Variants in HTR3B observed in about 807,000 individuals in gnomAD.
The protein encoded by HTR3B is 5-hydroxytryptamine (serotonin) receptor 3B, ionotropic.
In HTR3B, 44 loss-of-function variants were observed where a neutral mutation model predicts 42.8. The ratio of observed to expected loss-of-function variants is 1.03; its 90% CI spans 0.81 to 1.32. The LOEUF (loss-of-function observed/expected upper bound fraction) is 1.32, where lower values mean the gene tolerates loss of function less well. HTR3B is among the 40% of genes most tolerant of loss of function. HTR3B has a pLI of 0.00. For synonymous variants in HTR3B, 203 were observed against 209.0 expected, an observed-to-expected ratio of 0.97 and a Z score of 0.25; for missense variants, 527 against 536.5, an observed-to-expected ratio of 0.98 and a Z score of 0.17.
At position 113,922,116 on chromosome 11, in the gene HTR3B, C is replaced by G. The variant is rs1032472188; in HGVS notation, c.214-9268C>G. On this transcript the variant is annotated intron_variant, in intron 2 of 8. Transcript: ENST00000260191. ...TTCTCCATCTGCAAAATATTGTAGT[C>G]CTTCAAATCTCAGCTCTTAAAATAA... 2.0e-5 allele frequency among the ~76,000 whole-genome samples: 3 copies of G among 152,294 alleles called. No individual in the cohort carries two copies. In the South Asian group the frequency reaches 6.2e-4, roughly 32 times the overall value.
Position 113,931,878 on chromosome 11 carries a change from C to T in HTR3B, c.368+11C>T, listed in dbSNP as rs45597437. ...CATCATCAATGAGTTGTAAGTGTGCCAGTGTGTATTTCTGTGGGGTTTAGA... is the reference window on the plus strand; with the variant it reads ...CATCATCAATGAGTTGTAAGTGTGCTAGTGTGTATTTCTGTGGGGTTTAGA... On this transcript the variant is annotated intron_variant, in intron 4 of 8. Transcript: ENST00000260191. 0.057 allele frequency: 83,097 copies of T among 1,469,858 alleles called. 2,707 individuals are homozygous for T. The highest frequency in any genetic ancestry group is 0.09 in the African/African-American group (6,525 of 72,248). The allele number at this position is 1,469,858 out of a possible 1,614,324, so 91.1% of individuals were successfully genotyped here.
chr11:113,899,914 C>G (rs534012919), upstream of HTR3B, among the ~76,000 whole-genome samples: 1 of 152,270 alleles, frequency 6.6e-6, no homozygotes, highest in African/African-American at 2.4e-5. Flanking sequence ...GTAAGAGAAT[C>G]GCAGATTCAA....
In HTR3B at chr11:113,909,452, T is replaced by C. The variant is rs1206791855; in HGVS notation, c.210T>C (p.Asp70=). 4 of 1,613,732 alleles carry C rather than the reference T, an allele frequency of 2.5e-6. No homozygotes were observed. Among genetic ancestry groups the C allele is most frequent in the Non-Finnish European group, 3.4e-6 (4 of 1,179,840 alleles). ...YLDLFVHAIL[D]VDAENQILKT... is the part of the protein sequence containing the mutation. The stretch of plus-strand genomic sequence containing the variant: ...ACCTGTTCGTCCATGCTATATTGGA[T>C]GTGGTAAGGACCATCTTGCCCCTTC... The change falls in exon 2 of 9, where the codon GAT becomes GAC. Residue 70 remains aspartate (D), a synonymous_variant. Coordinates refer to ENST00000260191, the MANE Select transcript of HTR3B (RefSeq NM_006028.5).
In HTR3B at chr11:113,948,832, C is replaced by T. The variant is rs565283645; in HGVS notation, c.*2695C>T. On this transcript the variant is annotated 3_prime_UTR_variant, in exon 9 of 9. Transcript: ENST00000260191. ...GAGCCGAGATCGTGCCATTGCACTC[C>T]AGCCCGGGCAACAAGAGCTAAACTC... Among the ~76,000 whole-genome samples, 341 of 149,006 alleles carry T rather than the reference C, an allele frequency of 2.3e-3. 2 individuals are homozygous for T. The highest frequency in any genetic ancestry group is 3.7e-3 in the Non-Finnish European group (250 of 67,672).
At chr11:113,926,756 T>C (rs1591578985) in intron 2 of HTR3B, among the ~76,000 whole-genome samples, 1 of 152,132 alleles carries the variant, frequency 6.6e-6, no homozygotes, top group African/African-American at 2.4e-5. Flanking sequence ...CTCAAACTGC[T>C]GACCTCAGGT....
At chr11:113,931,566 C>A in intron 3 of HTR3B, 138 bp downstream of exon 3, 2 of 696,264 alleles carry the variant, frequency 2.9e-6, no homozygotes, top group Non-Finnish European at 4.8e-6. Context: ...TATTATAATT[C>A]ATTTAAGATG....
chr11:113,906,408 C>T (rs1426850643), intron 1 of HTR3B, among the ~76,000 whole-genome samples: 2 of 152,158 alleles, frequency 1.3e-5, no homozygotes, highest in Admixed American at 6.5e-5. Flanking sequence ...GTCAATTAAT[C>T]TCTTAGAGAC....
chr11:113,945,824 G>T, intron 8 of HTR3B, 78 bp from the exon 9 acceptor site: 1 of 992,324 alleles, frequency 1.0e-6, no homozygotes, highest in Non-Finnish European at 1.6e-6. Flanking sequence ...GAAGGATGAG[G>T]CCATCAGCTT....
intron 2 of HTR3B, among the ~76,000 whole-genome samples, chr11:113,910,072 G>A (rs746988972): frequency 6.6e-6 from 1 of 150,750 alleles, no homozygotes; most frequent in African/African-American, 2.4e-5. Flanking sequence ...AACAGTAATA[G>A]GTATTTTATC....
chr11:113,922,691 G>A lies in HTR3B; in HGVS notation c.214-8693G>A, dbSNP rs1050337161. Among the ~76,000 whole-genome samples the A allele has an allele frequency of 2.0e-5, 3 of 151,836 alleles. No individual in the cohort carries two copies. The East Asian group carries it at 5.8e-4, about 29-fold the overall frequency. On this transcript the variant is annotated intron_variant, in intron 2 of 8. Transcript: ENST00000260191. ...CTGCCTCAGCCTCCTGAGTAGCTGG[G>A]ACTACAGGCGCCCGCCACTACGCCC...
rs1339999947 is a variant in HTR3B at position 113,943,001 on chromosome 11, C to T, written c.716C>T (p.Pro239Leu). 2.5e-6 allele frequency: 4 copies of T among 1,613,930 alleles called. No individual in the cohort carries two copies. The highest frequency in any genetic ancestry group is 3.4e-6 in the Non-Finnish European group (4 of 1,179,998). ...GGCCAGGTGGTGATGCGCAGGCACC[C>T]CCTGGTCTATGTCGTGAGTCTGCTG... Reference protein sequence around the residue: ...IQFNVVMRRHPLVYVVSLLIP... With the variant: ...IQFNVVMRRHLLVYVVSLLIP... The change falls in exon 7 of 9, where the codon CCC (proline) becomes CTC (leucine). Residue 239 changes from proline to leucine, a missense_variant. By Grantham distance (98) the Pro-to-Leu change is moderately conservative. Coordinates refer to ENST00000260191, the MANE Select transcript of HTR3B (RefSeq NM_006028.5).
rs1305823043 is a variant in HTR3B, at chr11:113,935,457, G to C, written c.696+2364G>C. 1.6e-5 allele frequency among the ~76,000 whole-genome samples: 2 copies of C among 124,516 alleles called. 1 individual carries two copies. The allele number at this position is 124,516 out of a possible 152,430, so 81.7% of individuals were successfully genotyped here. On this transcript the variant is annotated intron_variant, in intron 6 of 8. Transcript: ENST00000260191. ...GGAGAGAATCCTGAGTAGAGTCACA[G>C]ATCATATTTGGTGGGACAGGAGGCC...
At chr11:113,945,756 G>A in intron 8 of HTR3B, 146 bp from the exon 9 acceptor site, 1 of 636,150 alleles carries the variant, frequency 1.6e-6, no homozygotes, top group South Asian at 1.8e-5. Flanking sequence ...CTAATCGGGT[G>A]GGGAGAGTAC....
intron 2 of HTR3B, among the ~76,000 whole-genome samples, chr11:113,913,402 A>G (rs1231953462): frequency 2.7e-5 from 3 of 109,356 alleles, no homozygotes; most frequent in Non-Finnish European, 3.4e-5. Flanking sequence ...GTAGAGATGG[A>G]GTTTCACCAT....
chr11:113,900,738 G>A (rs747460283), upstream of HTR3B, among the ~76,000 whole-genome samples: 66 of 152,150 alleles, frequency 4.3e-4, no homozygotes, highest in Non-Finnish European at 5.1e-4. Flanking sequence ...GGTGATCCAC[G>A]AGACTGGGTA....
At chr11:113,934,492 C>T (rs375504063) in intron 6 of HTR3B, among the ~76,000 whole-genome samples, 1 of 152,176 alleles carries the variant, frequency 6.6e-6, no homozygotes, top group East Asian at 1.9e-4. Context: ...AAGAAAGAAA[C>T]TATTATTGAG....
intron 2 of HTR3B, among the ~76,000 whole-genome samples, chr11:113,921,490 G>T (rs966905084): frequency 7.2e-6 from 1 of 139,212 alleles, no homozygotes; most frequent in Admixed American, 7.7e-5. Context: ...GGGCGTGGTG[G>T]TGGGCACCTG....
chr11:113,907,940 A>G (rs1949745910), intron 1 of HTR3B, among the ~76,000 whole-genome samples: 1 of 152,184 alleles, frequency 6.6e-6, no homozygotes, highest in Non-Finnish European at 1.5e-5. Context: ...AAATGTTCTC[A>G]GGTAGAGAGA....
At chr11:113,936,186 A>G (rs1950090729) in intron 6 of HTR3B, among the ~76,000 whole-genome samples, 2 of 152,074 alleles carry the variant, frequency 1.3e-5, no homozygotes, top group African/African-American at 4.8e-5. Context: ...TTTGCATGGC[A>G]GTGGTTTTTT....
Sources: gnomAD v4.1 joint callset for allele counts (sites outside exome capture counted in the v4.1 genomes callset) on GRCh38, gnomAD v4.1.1 for gene constraint, MANE v1.5 for transcripts, NCBI Gene and HGNC (gene_info 2026-07-23, HGNC 2026-07-21) for gene names.